NRXN3: variants seen among roughly 807,000 people sequenced by gnomAD.
NRXN3 encodes the protein neurexin 3.
NRXN3 carries 32 observed loss-of-function variants against 137.6 expected under a neutral mutation model. The observed-to-expected ratio is 0.23, with a 90% CI of 0.18 to 0.31. NRXN3 has a LOEUF of 0.31. NRXN3 is among the 10% of genes least tolerant of loss of function. The probability of loss-of-function intolerance (pLI) is 1.00; values close to 1 mark genes in which losing one functional copy is unlikely to be tolerated. For missense variants in NRXN3, 1,574 were observed against 2,062.5 expected, an observed-to-expected ratio of 0.76 and a Z score of 4.59; for synonymous variants, 798 against 784.5, an observed-to-expected ratio of 1.02 and a Z score of -0.29.
intron 4 of NRXN3, among the ~76,000 whole-genome samples, chr14:78,466,464 G>A (rs1316741341): frequency 6.6e-6 from 1 of 152,178 alleles, no homozygotes. Context: ...AGGCGTGAAG[G>A]GATGGAAATG....
intron 4 of NRXN3, among the ~76,000 whole-genome samples, chr14:78,515,644 C>T (rs1333546392): frequency 6.6e-6 from 1 of 151,976 alleles, no homozygotes; most frequent in Non-Finnish European, 1.5e-5. Context: ...GAGTTGAGCA[C>T]AGATCCAATA....
At chr14:78,659,163 C>T (rs1316004379) in intron 6 of NRXN3, among the ~76,000 whole-genome samples, 1 of 152,004 alleles carries the variant, frequency 6.6e-6, no homozygotes, top group African/African-American at 2.4e-5. Flanking sequence ...CATGGATATA[C>T]AAAGGAAAGA....
At chr14:79,774,059 A>C in intron 19 of NRXN3, among the ~76,000 whole-genome samples, 1 of 152,180 alleles carries the variant, frequency 6.6e-6, no homozygotes, top group East Asian at 1.9e-4. Flanking sequence ...GTTCGCTGGC[A>C]GGAATGTGTT....
chr14:78,323,080 C>A (rs1244608435), intron 4 of NRXN3, among the ~76,000 whole-genome samples: 2 of 152,028 alleles, frequency 1.3e-5, no homozygotes, highest in African/African-American at 4.8e-5. Flanking sequence ...ATCTGATTAA[C>A]TAGTATTTCA....
chr14:78,504,516 T>G (rs2095943309), intron 4 of NRXN3, among the ~76,000 whole-genome samples: 1 of 152,148 alleles, frequency 6.6e-6, no homozygotes, highest in Non-Finnish European at 1.5e-5. Context: ...GAGGAGATAA[T>G]GGTGTGTATG....
intron 8 of NRXN3, among the ~76,000 whole-genome samples, chr14:78,787,462 G>A (rs539182553): frequency 6.6e-6 from 1 of 152,210 alleles, no homozygotes; most frequent in East Asian, 1.9e-4. Context: ...GCTCAATGAC[G>A]TTGTGTAATA....
At chr14:78,396,003 G>A (rs2091415359) in intron 4 of NRXN3, among the ~76,000 whole-genome samples, 1 of 151,934 alleles carries the variant, frequency 6.6e-6, no homozygotes, top group African/African-American at 2.4e-5. Flanking sequence ...ATGTAAGGGT[G>A]TAAGTCTACT....
chr14:79,548,626 C>G (rs1448590851), intron 16 of NRXN3, among the ~76,000 whole-genome samples: 1 of 151,810 alleles, frequency 6.6e-6, no homozygotes, highest in African/African-American at 2.4e-5. Flanking sequence ...CTGGGAGTTG[C>G]AGTGAGTGGG....
chr14:78,656,671 G>C (rs1402589936), intron 6 of NRXN3, among the ~76,000 whole-genome samples: 1 of 152,106 alleles, frequency 6.6e-6, no homozygotes, highest in African/African-American at 2.4e-5. Flanking sequence ...TTCATTCTTT[G>C]AGGAGTAATG....
At chr14:79,044,784 T>A (rs2099630477) in intron 15 of NRXN3, among the ~76,000 whole-genome samples, 1 of 151,312 alleles carries the variant, frequency 6.6e-6, no homozygotes, top group Non-Finnish European at 1.5e-5. Context: ...CCATATACTA[T>A]ATCTTTGGCC....
At chr14:79,559,081 A>G (rs773666416) in intron 16 of NRXN3, among the ~76,000 whole-genome samples, 4 of 152,180 alleles carry the variant, frequency 2.6e-5, no homozygotes, top group Non-Finnish European at 4.4e-5. Flanking sequence ...GCTTAAGGAA[A>G]GATTGAGGCT....
chr14:79,119,060 GTTTTTAAAAC>G (rs2054968285), intron 15 of NRXN3, among the ~76,000 whole-genome samples: 1 of 152,194 alleles, frequency 6.6e-6, no homozygotes, highest in East Asian at 1.9e-4. Context: ...CCCAAATTTT[GTTTTTAAAAC>G]TTTATAAAAG....
intron 6 of NRXN3, among the ~76,000 whole-genome samples, chr14:78,652,560 A>G (rs2097755476): frequency 6.6e-6 from 1 of 152,220 alleles, no homozygotes; most frequent in African/African-American, 2.4e-5. Context: ...CTTCTTGTAG[A>G]TAACAATCCC....
intron 10 of NRXN3, among the ~76,000 whole-genome samples, chr14:78,954,353 A>G (rs138110510): frequency 0.02 from 2,991 of 152,292 alleles, 105 homozygotes; most frequent in African/African-American, 0.068. Context: ...ACTATTCCAT[A>G]TCATTTTAAT....
chr14:78,671,071 GTAAC>G (rs1276522301), intron 6 of NRXN3, among the ~76,000 whole-genome samples: 2 of 152,174 alleles, frequency 1.3e-5, no homozygotes, highest in Non-Finnish European at 2.9e-5. Context: ...ACTTCTAAGA[GTAAC>G]TAATATTTAA....
At chr14:78,652,564 C>T (rs1601913609) in intron 6 of NRXN3, among the ~76,000 whole-genome samples, 1 of 152,212 alleles carries the variant, frequency 6.6e-6, no homozygotes, top group Admixed American at 6.5e-5. Context: ...TTGTAGATAA[C>T]AATCCCTTGT....
chr14:79,831,968 A>C (rs183698062), intron 20 of NRXN3, among the ~76,000 whole-genome samples: 203 of 152,272 alleles, frequency 1.3e-3, no homozygotes, highest in Middle Eastern at 6.8e-3. Flanking sequence ...AGTATTTAAC[A>C]GGCACTTTTA....
chr14:79,805,554 A>C (rs2099201144), intron 20 of NRXN3, among the ~76,000 whole-genome samples: 1 of 152,130 alleles, frequency 6.6e-6, no homozygotes, highest in Non-Finnish European at 1.5e-5. Flanking sequence ...ATGAGGAAAT[A>C]TATGTTGGAA....
At chr14:78,926,617 G>GTATATTTATATATAATA (rs1345825741) in intron 10 of NRXN3, among the ~76,000 whole-genome samples, 2 of 97,088 alleles carry the variant, frequency 2.1e-5, no homozygotes, top group African/African-American at 3.7e-5. Context: ...TATATATAAT[G>GTATATTTATATATAATA]TATATTTATA....
Sources: allele counts gnomAD v4.1 joint callset (sites outside exome capture counted in the v4.1 genomes callset), GRCh38; gene constraint gnomAD v4.1.1; transcripts MANE v1.5; gene names NCBI Gene and HGNC (gene_info 2026-07-23, HGNC 2026-07-21).